The following RPS6KA2 variants were observed in gnomAD, a reference collection of about 807,000 sequenced individuals.
RPS6KA2 encodes the protein ribosomal protein S6 kinase A2, also known as ribosomal protein S6 kinase alpha-2.
A neutral mutation model predicts 91.8 loss-of-function variants in RPS6KA2; 42 were observed. That is an observed-to-expected ratio of 0.46 (90% CI 0.36 to 0.59). RPS6KA2 has a LOEUF of 0.59. Among genes scored for constraint, RPS6KA2 ranks in the 20% least tolerant of loss-of-function variants. RPS6KA2 has a pLI of 0.00. For missense variants in RPS6KA2, 798 were observed against 978.5 expected (o/e 0.82, Z 2.46); for synonymous variants, 414 against 393.6 (o/e 1.05, Z -0.61).
intron 2 of RPS6KA2, among the ~76,000 whole-genome samples, chr6:166,698,653 G>A (rs961052443): frequency 2.0e-5 from 3 of 152,164 alleles, no homozygotes; most frequent in African/African-American, 7.2e-5. Flanking sequence ...TTAAAAGGCT[G>A]AAGGGCAACT....
intron 2 of RPS6KA2, among the ~76,000 whole-genome samples, chr6:166,791,331 T>C (rs1426913336): frequency 1.3e-5 from 2 of 152,122 alleles, no homozygotes; most frequent in Non-Finnish European, 2.9e-5. Flanking sequence ...TAAATATATA[T>C]GCACCCAATA....
intron 1 of RPS6KA2, among the ~76,000 whole-genome samples, chr6:166,550,869 C>T (rs541075226): frequency 3.0e-4 from 46 of 151,714 alleles, no homozygotes; most frequent in Middle Eastern, 3.4e-3. Flanking sequence ...GGCGTGGTGG[C>T]GGGCGCCTGT....
At chr6:166,450,379 G>GACAGGGACCACCACAGGAGATCACC (rs1562501588) in intron 13 of RPS6KA2, among the ~76,000 whole-genome samples, 15 of 112,176 alleles carry the variant, frequency 1.3e-4, no homozygotes, top group African/African-American at 5.2e-4. Context: ...TGGGGACCAC[G>GACAGGGACCACCACAGGAGATCACC]ACAGGGACCA....
chr6:166,420,031 G>A (rs1400467413), intron 17 of RPS6KA2, 73 bp from the exon 18 acceptor site: 6 of 1,409,192 alleles, frequency 4.3e-6, no homozygotes, highest in East Asian at 2.3e-5. Flanking sequence ...TTTCTCCAGC[G>A]GCATCCTACG....
intron 1 of RPS6KA2, among the ~76,000 whole-genome samples, chr6:166,566,883 G>A (rs1784520850): frequency 1.3e-5 from 2 of 152,228 alleles, no homozygotes; most frequent in Non-Finnish European, 2.9e-5. Context: ...ACACTGTTCT[G>A]TGCCTGTGGC....
At chr6:166,521,886 G>A (rs1467204767) in intron 3 of RPS6KA2, among the ~76,000 whole-genome samples, 1 of 152,218 alleles carries the variant, frequency 6.6e-6, no homozygotes, top group Non-Finnish European at 1.5e-5. Flanking sequence ...GATGGTTTTA[G>A]GTGGGGCCTC....
At chr6:166,701,918 T>C (rs907275033) in intron 2 of RPS6KA2, 27 of 1,127,542 alleles carry the variant, frequency 2.4e-5, no homozygotes, top group Middle Eastern at 2.8e-4. Context: ...GTCTGTGTCT[T>C]GCTCAATTTT....
At chr6:166,510,554 C>CATATATATAT (rs58712416) in intron 3 of RPS6KA2, among the ~76,000 whole-genome samples, 197 bp from the exon 4 acceptor site, 48 of 78,762 alleles carry the variant, frequency 6.1e-4, no homozygotes, top group Non-Finnish European at 6.8e-4. Flanking sequence ...TTCTCTCTCT[C>CATATATATAT]ATATATATAT....
intron 14 of RPS6KA2, among the ~76,000 whole-genome samples, chr6:166,444,854 G>C (rs528736452): frequency 6.6e-6 from 1 of 152,154 alleles, no homozygotes; most frequent in African/African-American, 2.4e-5. Context: ...CTAATTTTAG[G>C]ACCGATTCTA....
chr6:166,481,450 T>C (rs887930407), intron 10 of RPS6KA2, among the ~76,000 whole-genome samples: 1 of 152,278 alleles, frequency 6.6e-6, no homozygotes, highest in Non-Finnish European at 1.5e-5. Context: ...AAGTATTTGC[T>C]GCAGAGTGGA....
chr6:166,682,894 A>G lies in RPS6KA2; in HGVS notation c.124-144110T>C, dbSNP rs571245990. Among the ~76,000 whole-genome samples the G allele has an allele frequency of 3.9e-5, 6 of 152,306 alleles. No individual in the cohort carries two copies. In the South Asian group the frequency reaches 6.2e-4, roughly 16 times the overall value. ...GTTTCTTCTCAAAGGCCAGGTGATC[A>G]TGTGGGTTCCAGCTTTATAACCACA... On this transcript the variant is annotated intron_variant, in intron 2 of 21. Transcript: ENST00000503859.
At chr6:166,687,776 G>A (rs1289391541) in intron 2 of RPS6KA2, among the ~76,000 whole-genome samples, 1 of 152,218 alleles carries the variant, frequency 6.6e-6, no homozygotes, top group East Asian at 1.9e-4. Context: ...GCTCTGTGTG[G>A]AGCGTTATCA....
chr6:166,685,204 A>G (rs56061454), intron 2 of RPS6KA2, among the ~76,000 whole-genome samples: 279 of 138,016 alleles, frequency 2.0e-3, no homozygotes, highest in African/African-American at 7.2e-3. Context: ...CTCAGGCAGG[A>G]CCCTGATGGA....
chr6:166,626,812 G>T lies in RPS6KA2; in HGVS notation c.99+109C>A. 6 of 889,462 alleles carry T rather than the reference G, an allele frequency of 6.7e-6. No homozygotes were observed. Among genetic ancestry groups the T allele is most frequent in the Non-Finnish European group, 7.5e-6 (5 of 668,640 alleles). 55.1% of individuals were successfully genotyped at this position (889,462 alleles called of 1,614,324 possible). ...AACCGGACCAGCTTTCCAGTAACTTGAACTCCCTGACGGGTCTCGGGGTCC... is the reference window on the plus strand; with the variant it reads ...AACCGGACCAGCTTTCCAGTAACTTTAACTCCCTGACGGGTCTCGGGGTCC... On this transcript the variant is annotated intron_variant, in intron 1 of 20. Coordinates refer to ENST00000265678, the MANE Select transcript of RPS6KA2 (RefSeq NM_021135.6). The surrounding 1 kb of genome is among the most constrained non-coding windows in gnomAD (Gnocchi z 4.1).
At chr6:166,421,058 G>A (rs1426640294) in intron 17 of RPS6KA2, among the ~76,000 whole-genome samples, 2 of 152,206 alleles carry the variant, frequency 1.3e-5, no homozygotes, top group Admixed American at 1.3e-4. Flanking sequence ...GAGGGGACCA[G>A]CCAGCGCATG....
chr6:166,421,943 A>AGGCT (rs1399260047), intron 17 of RPS6KA2, among the ~76,000 whole-genome samples: 4 of 152,130 alleles, frequency 2.6e-5, no homozygotes, highest in African/African-American at 9.7e-5. Flanking sequence ...TCTTTCAACC[A>AGGCT]GGCTGGAGTG....
intron 2 of RPS6KA2, among the ~76,000 whole-genome samples, chr6:166,697,763 C>T (rs1442906762): frequency 6.6e-6 from 1 of 152,112 alleles, no homozygotes; most frequent in Non-Finnish European, 1.5e-5. Flanking sequence ...GTTTGTTTGG[C>T]TTGTACTGAA....
At chr6:166,800,784 C>T (rs1218389052) in intron 2 of RPS6KA2, among the ~76,000 whole-genome samples, 2 of 152,230 alleles carry the variant, frequency 1.3e-5, no homozygotes, top group Admixed American at 1.3e-4. Context: ...CCATTATCCT[C>T]AACTCAATCG....
At chr6:166,725,551 G>A (rs1051188141) in intron 2 of RPS6KA2, among the ~76,000 whole-genome samples, 3 of 152,184 alleles carry the variant, frequency 2.0e-5, no homozygotes, top group Non-Finnish European at 4.4e-5. Flanking sequence ...GAGCATCCCT[G>A]GGAGCCACCT....
Sources: allele counts gnomAD v4.1 joint callset (sites outside exome capture counted in the v4.1 genomes callset), GRCh38; gene constraint gnomAD v4.1.1; non-coding constraint Gnocchi (gnomAD v3.1); transcripts MANE v1.5; gene names NCBI Gene and HGNC (gene_info 2026-07-23, HGNC 2026-07-21).